ERBB4: variants seen among roughly 807,000 people sequenced by gnomAD.
ERBB4 encodes erb-b2 receptor tyrosine kinase 4.
Under a neutral mutation model 158.0 loss-of-function variants are expected in ERBB4, and 42 were observed. The ratio of observed to expected loss-of-function variants is 0.27; its 90% CI spans 0.21 to 0.34. The LOEUF is 0.34. Among genes scored for constraint, ERBB4 ranks in the 10% least tolerant of loss-of-function variants. The probability of loss-of-function intolerance (pLI) is 1.00; values close to 1 mark genes in which losing one functional copy is unlikely to be tolerated. For synonymous variants in ERBB4, 583 were observed against 558.7 expected (o/e 1.04, Z -0.61); for missense variants, 1,333 against 1,624.1 (o/e 0.82, Z 3.08).
chr2:211,885,081 G>A (rs1159758918), intron 3 of ERBB4, among the ~76,000 whole-genome samples: 1 of 152,044 alleles, frequency 6.6e-6, no homozygotes, highest in East Asian at 1.9e-4. Flanking sequence ...AATGATTACT[G>A]TATGTTTGGC....
chr2:211,893,608 T>G lies in ERBB4; in HGVS notation c.421+53822A>C, dbSNP rs1232775278. 2.1e-5 allele frequency among the ~76,000 whole-genome samples: 3 copies of G among 139,908 alleles called. 1 individual carries two copies. Among genetic ancestry groups the G allele is most frequent in the Non-Finnish European group, 4.6e-5 (3 of 65,442 alleles). The allele number at this position is 139,908 out of a possible 152,430, so 91.8% of individuals were successfully genotyped here. ...TTCTGCACAGCAAAAGAAGCTACCA[T>G]CAGAGTGAACAGGCAACCTACAAAA... On this transcript the variant is annotated intron_variant, in intron 3 of 27. Coordinates refer to ENST00000342788, the MANE Select transcript of ERBB4 (RefSeq NM_005235.3).
At chr2:212,226,085 T>A (rs148369096) in intron 1 of ERBB4, among the ~76,000 whole-genome samples, 1 of 152,292 alleles carries the variant, frequency 6.6e-6, no homozygotes, top group Non-Finnish European at 1.5e-5. Flanking sequence ...TCGGCAAAGA[T>A]GCTCTTCTGT....
chr2:211,962,389 A>C (rs1187481729), intron 2 of ERBB4, among the ~76,000 whole-genome samples: 1 of 152,122 alleles, frequency 6.6e-6, no homozygotes, highest in Non-Finnish European at 1.5e-5. Flanking sequence ...AGGCAGAGAG[A>C]ATAATATGTC....
At chr2:211,666,670 A>G (rs1239499706) in intron 14 of ERBB4, among the ~76,000 whole-genome samples, 2 of 152,180 alleles carry the variant, frequency 1.3e-5, no homozygotes, top group Non-Finnish European at 2.9e-5. Context: ...GACAACAGCT[A>G]CCTGAAATGT....
rs1559294215 is a variant in ERBB4, at chr2:212,003,215, A to AAGAAAGAC, written c.235-55600_235-55599insGTCTTTCT. Among the ~76,000 whole-genome samples, 91 of 47,328 alleles carry AAGAAAGAC rather than the reference A, an allele frequency of 1.9e-3. 9 individuals carry two copies. Among genetic ancestry groups the AAGAAAGAC allele is most frequent in the African/African-American group, 4.7e-3 (88 of 18,730 alleles). The allele number at this position is 47,328 out of a possible 152,430, so 31.0% of individuals were successfully genotyped here. A position where few individuals can be genotyped will look rare whatever the true frequency, so the allele number is the denominator to read the frequency against. ...AAAGAAAGAAAGAAAGACAGAAAGA[A>AAGAAAGAC]GGAAGGAAGGAAGGAAGGAAGGAAG... On this transcript the variant is annotated intron_variant, in intron 2 of 27. Coordinates refer to ENST00000342788, the MANE Select transcript of ERBB4 (RefSeq NM_005235.3).
chr2:211,746,745 G>T (rs1321152516), intron 5 of ERBB4, among the ~76,000 whole-genome samples: 1 of 150,476 alleles, frequency 6.6e-6, no homozygotes, highest in African/African-American at 2.5e-5. Context: ...CAGGAGAATT[G>T]CTTGAACCCG....
At chr2:211,885,389 TAAAG>T (rs954365865) in intron 3 of ERBB4, among the ~76,000 whole-genome samples, 2 of 151,886 alleles carry the variant, frequency 1.3e-5, no homozygotes, top group African/African-American at 4.8e-5. Context: ...TGTAACCTAT[TAAAG>T]AAAGAATAAA....
chr2:211,701,869 A>C, intron 12 of ERBB4, 98 bp downstream of exon 12: 1 of 911,482 alleles, frequency 1.1e-6, no homozygotes, highest in Non-Finnish European at 1.8e-6. Context: ...TAACAGAGCA[A>C]CAATTCTGAC....
At chr2:211,523,108 C>G (rs575188959) in intron 20 of ERBB4, among the ~76,000 whole-genome samples, 5 of 148,154 alleles carry the variant, frequency 3.4e-5, no homozygotes, top group African/African-American at 1.2e-4. Flanking sequence ...GATGGTGGAA[C>G]AGAAGGCCCC....
intron 7 of ERBB4, among the ~76,000 whole-genome samples, chr2:211,715,834 A>G (rs576266436): frequency 6.6e-6 from 1 of 152,152 alleles, no homozygotes; most frequent in Non-Finnish European, 1.5e-5. Flanking sequence ...TTTGTTTATC[A>G]ATTACCCAGT....
chr2:211,794,796 T>C (rs1191296632), intron 3 of ERBB4, among the ~76,000 whole-genome samples: 1 of 151,920 alleles, frequency 6.6e-6, no homozygotes, highest in Non-Finnish European at 1.5e-5. Flanking sequence ...AATTGTCTTA[T>C]TATATAATCC....
intron 1 of ERBB4, among the ~76,000 whole-genome samples, chr2:212,156,930 A>G (rs954032214): frequency 1.3e-5 from 2 of 152,050 alleles, no homozygotes; most frequent in Admixed American, 6.6e-5. Flanking sequence ...TTTAGCTAGA[A>G]TTACAGGAAT....
At chr2:211,492,437 T>G (rs992861104) in intron 20 of ERBB4, among the ~76,000 whole-genome samples, 1 of 152,082 alleles carries the variant, frequency 6.6e-6, no homozygotes. Context: ...ATTGTGAGGA[T>G]TAAATGAGGT....
rs2067292427 is a variant in ERBB4, at chr2:211,558,270, C to T, written c.2487+3633G>A. Among the ~76,000 whole-genome samples the T allele has an allele frequency of 2.0e-5, 3 of 152,162 alleles. No individual in the cohort carries two copies. In the South Asian group the frequency reaches 6.2e-4, roughly 31 times the overall value. On this transcript the variant is annotated intron_variant, in intron 20 of 27. Coordinates refer to ENST00000342788, the MANE Select transcript of ERBB4 (RefSeq NM_005235.3). Reference sequence around the variant, plus strand: ...TCTGTTTCCTTATCATTTCCAGCTTCTAGAGGTGCCTACATTCCTCAATGC... The same window carrying T: ...TCTGTTTCCTTATCATTTCCAGCTTTTAGAGGTGCCTACATTCCTCAATGC...
chr2:211,982,573 A>G (rs1030004609), intron 2 of ERBB4, among the ~76,000 whole-genome samples: 6 of 152,174 alleles, frequency 3.9e-5, no homozygotes. Flanking sequence ...CTTGCAAGCC[A>G]CTGTCAGTAA....
intron 1 of ERBB4, among the ~76,000 whole-genome samples, chr2:212,530,561 A>G (rs532575434): frequency 6.6e-6 from 1 of 152,166 alleles, no homozygotes; most frequent in African/African-American, 2.4e-5. Context: ...GAAATAGAAG[A>G]CTGTGCCACT....
At chr2:211,422,593 A>G (rs1235256745) in intron 23 of ERBB4, among the ~76,000 whole-genome samples, 1 of 151,836 alleles carries the variant, frequency 6.6e-6, no homozygotes, top group Non-Finnish European at 1.5e-5. Flanking sequence ...AAATACTATC[A>G]GCAATTTTCA....
intron 1 of ERBB4, among the ~76,000 whole-genome samples, chr2:212,499,755 T>A (rs551785441): frequency 2.4e-4 from 37 of 152,254 alleles, no homozygotes; most frequent in African/African-American, 8.9e-4. Context: ...GAAGCTGGTC[T>A]GGTGAGGAAA....
chr2:212,139,758 A>G (rs1229378905), intron 1 of ERBB4, among the ~76,000 whole-genome samples: 2 of 151,978 alleles, frequency 1.3e-5, no homozygotes, highest in Non-Finnish European at 2.9e-5. Context: ...TACTGTTTAC[A>G]TAGAGATACA....
Sources: allele counts gnomAD v4.1 joint callset (sites outside exome capture counted in the v4.1 genomes callset), GRCh38; gene constraint gnomAD v4.1.1; transcripts MANE v1.5; gene names NCBI Gene and HGNC (gene_info 2026-07-23, HGNC 2026-07-21).